PDE4B: variants seen among roughly 807,000 people sequenced by gnomAD.
The protein encoded by PDE4B is 3',5'-cyclic-AMP phosphodiesterase 4B.
Under a neutral mutation model 82.2 loss-of-function variants are expected in PDE4B, and 20 were observed. The ratio of observed to expected loss-of-function variants is 0.24; its 90% confidence interval spans 0.17 to 0.35. The LOEUF is 0.35. Ranked by LOEUF, PDE4B falls within the 10% of genes least tolerant of loss-of-function variation. The pLI, the probability that PDE4B is intolerant of heterozygous loss-of-function variation, is 1.00. For missense variants in PDE4B, 655 were observed against 907.2 expected (o/e 0.72, Z 3.57); for synonymous variants, 320 against 318.9 (o/e 1.00, Z -0.04).
At chr1:66,359,912 TCTGG>T (rs1332051139) in intron 9 of PDE4B, among the ~76,000 whole-genome samples, 2 of 152,180 alleles carry the variant, frequency 1.3e-5, no homozygotes, top group Non-Finnish European at 2.9e-5. Context: ...AATCACTGTG[TCTGG>T]AGCAAAGTAA....
chr1:66,137,638 G>GCAT (rs1646085352), intron 3 of PDE4B, among the ~76,000 whole-genome samples: 1 of 152,128 alleles, frequency 6.6e-6, no homozygotes, highest in African/African-American at 2.4e-5. Context: ...GTTAGAGTCT[G>GCAT]GACAGCATGA....
At chr1:66,211,765 T>G (rs1210854157) in intron 3 of PDE4B, among the ~76,000 whole-genome samples, 1 of 152,214 alleles carries the variant, frequency 6.6e-6, no homozygotes, top group Non-Finnish European at 1.5e-5. Context: ...CAGAAAATTT[T>G]TAATCCCAAC....
intron 1 of PDE4B, among the ~76,000 whole-genome samples, chr1:65,865,970 C>T (rs1646506364): frequency 6.6e-6 from 1 of 152,168 alleles, no homozygotes; most frequent in African/African-American, 2.4e-5. Context: ...TGTAGCTGCT[C>T]TGTAGACCTA....
intron 3 of PDE4B, among the ~76,000 whole-genome samples, chr1:66,203,039 C>T (rs1274956989): frequency 6.6e-6 from 1 of 151,802 alleles, no homozygotes; most frequent in Non-Finnish European, 1.5e-5. Context: ...TTAGGGCAAG[C>T]CTGGTGGTGA....
chr1:66,025,613 C>T (rs1653390462), intron 3 of PDE4B, among the ~76,000 whole-genome samples: 1 of 152,176 alleles, frequency 6.6e-6, no homozygotes, highest in Admixed American at 6.5e-5. Flanking sequence ...TGAGACTGAA[C>T]TCATAATTTC....
chr1:66,190,851 C>A (rs182203333), intron 3 of PDE4B, among the ~76,000 whole-genome samples: 20 of 152,118 alleles, frequency 1.3e-4, no homozygotes, highest in African/African-American at 3.6e-4. Flanking sequence ...TGTCCTGTAC[C>A]CAGTGTCCAA....
chr1:66,243,635 A>G (rs1015161866), intron 3 of PDE4B, among the ~76,000 whole-genome samples: 1 of 152,010 alleles, frequency 6.6e-6, no homozygotes, highest in Non-Finnish European at 1.5e-5. Context: ...ATACTAGCTC[A>G]ATGGAGACTG....
chr1:65,934,743 T>C (rs1451600860), intron 3 of PDE4B, among the ~76,000 whole-genome samples: 5 of 152,110 alleles, frequency 3.3e-5, no homozygotes, highest in African/African-American at 7.2e-5. Flanking sequence ...TCAGACAAAA[T>C]ATATGTAAAG....
chr1:65,988,966 C>T (rs1442776568), intron 3 of PDE4B, among the ~76,000 whole-genome samples: 3 of 151,878 alleles, frequency 2.0e-5, no homozygotes, highest in African/African-American at 7.3e-5. Context: ...CATTTTAAAC[C>T]AAAGTTATCA....
chr1:65,897,415 G>A (rs1371569706), intron 1 of PDE4B, among the ~76,000 whole-genome samples: 1 of 152,072 alleles, frequency 6.6e-6, no homozygotes, highest in Non-Finnish European at 1.5e-5. Flanking sequence ...GGGTACATGT[G>A]CAGGCTTGTT....
intron 7 of PDE4B, among the ~76,000 whole-genome samples, chr1:66,329,647 C>A (rs1159368414): frequency 6.6e-6 from 1 of 152,198 alleles, no homozygotes; most frequent in Non-Finnish European, 1.5e-5. Flanking sequence ...TTCTCCTATG[C>A]ATCTATCACC....
chr1:66,242,883 C>T (rs1365203446), intron 3 of PDE4B, among the ~76,000 whole-genome samples: 2 of 152,174 alleles, frequency 1.3e-5, no homozygotes, highest in Admixed American at 6.5e-5. Context: ...TGCTGGCTCA[C>T]GTGTCACCAG....
rs149318658 is a variant in PDE4B, at chr1:66,165,630, A to G, written c.282-81830A>G. On this transcript the variant is annotated intron_variant, in intron 3 of 16. Coordinates refer to ENST00000341517, the MANE Select transcript of PDE4B (RefSeq NM_002600.4). ...GAATAATTTGAAAATTAAAAAAATA[A>G]TTCCCTTTATAATAGCATCAAAAAG... Among the ~76,000 whole-genome samples, 264 of 152,258 alleles carry G rather than the reference A, an allele frequency of 1.7e-3. 1 individual carries two copies. The highest frequency in any genetic ancestry group is 6.0e-3 in the African/African-American group (248 of 41,576).
intron 3 of PDE4B, among the ~76,000 whole-genome samples, chr1:66,181,206 GT>G (rs1458808965): frequency 6.6e-6 from 1 of 152,118 alleles, no homozygotes; most frequent in East Asian, 1.9e-4. Flanking sequence ...GTAATTTATT[GT>G]CTGTTTCACA....
intron 1 of PDE4B, among the ~76,000 whole-genome samples, chr1:65,884,256 G>T (rs187215831): frequency 6.6e-6 from 1 of 152,192 alleles, no homozygotes; most frequent in Admixed American, 6.5e-5. Context: ...TTGTACCTCT[G>T]GTAGAATTTG....
intron 1 of PDE4B, among the ~76,000 whole-genome samples, chr1:65,799,901 T>C (rs960128587): frequency 1.3e-5 from 2 of 152,222 alleles, no homozygotes; most frequent in Admixed American, 1.3e-4. Flanking sequence ...CTTAGAAAGA[T>C]TCTCCATCTG....
chr1:66,188,478 TTG>T (rs1647396781), intron 3 of PDE4B, among the ~76,000 whole-genome samples: 1 of 152,100 alleles, frequency 6.6e-6, no homozygotes, highest in South Asian at 2.1e-4. Context: ...CTAAGTCTCT[TTG>T]TAGGTCACAC....
intron 3 of PDE4B, among the ~76,000 whole-genome samples, chr1:65,964,698 T>G (rs1446334225): frequency 6.6e-6 from 1 of 152,196 alleles, no homozygotes; most frequent in Non-Finnish European, 1.5e-5. Context: ...TTTGGACAGA[T>G]AGTGAACTGC....
chr1:65,869,243 C>G (rs990801442), intron 1 of PDE4B, among the ~76,000 whole-genome samples: 3 of 152,178 alleles, frequency 2.0e-5, no homozygotes, highest in African/African-American at 7.2e-5. Context: ...TTATCTTGAG[C>G]AAAGTTATCC....
Sources: gnomAD v4.1 joint callset for allele counts (sites outside exome capture counted in the v4.1 genomes callset) on GRCh38, gnomAD v4.1.1 for gene constraint, MANE v1.5 for transcripts, NCBI Gene and HGNC (gene_info 2026-07-23, HGNC 2026-07-21) for gene names.